NAV3: variants seen among roughly 807,000 people sequenced by gnomAD.
The protein encoded by NAV3 is neuron navigator 3, also known as pore membrane and/or filament interacting like protein 1.
Under a neutral mutation model 244.7 loss-of-function variants are expected in NAV3, and 87 were observed. That is an observed-to-expected ratio of 0.36 (90% CI 0.30 to 0.42). The LOEUF (loss-of-function observed/expected upper bound fraction) is 0.42. Among genes scored for constraint, NAV3 ranks in the 20% least tolerant of loss-of-function variants. The pLI is 1.00. For missense variants in NAV3, 2,663 were observed against 2,893.3 expected (o/e 0.92, Z 1.83); for synonymous variants, 1,126 against 1,042.2 (o/e 1.08, Z -1.55).
chr12:77,855,662 G>A (rs768689839), intron 1 of NAV3, among the ~76,000 whole-genome samples: 6 of 152,172 alleles, frequency 3.9e-5, no homozygotes, highest in Non-Finnish European at 8.8e-5. Flanking sequence ...GACTAAAGAG[G>A]CCCAGAGCTT....
intron 2 of NAV3, among the ~76,000 whole-genome samples, chr12:77,644,380 A>C (rs1244272548): frequency 1.3e-5 from 2 of 152,068 alleles, no homozygotes; most frequent in East Asian, 3.9e-4. Flanking sequence ...TTGTCTTCTG[A>C]AAAACCAATA....
chr12:77,880,549 G>A, intron 1 of NAV3, among the ~76,000 whole-genome samples: 1 of 152,098 alleles, frequency 6.6e-6, no homozygotes, highest in East Asian at 1.9e-4. Context: ...CATTGATGCT[G>A]TTTCCACCTA....
rs141989610 is a variant in NAV3, at chr12:77,858,935, T to A, written c.243+27231T>A. Among the ~76,000 whole-genome samples the A allele has an allele frequency of 2.8e-3, 424 of 152,176 alleles. 1 individual carries two copies. The highest frequency in any genetic ancestry group is 9.9e-3 in the African/African-American group (410 of 41,556). Reference sequence around the variant, plus strand: ...TGCTATGATTTCCTACTGAGGGAGATGCAAAGTTCTTTACCCTGACCTAAG... The same window carrying A: ...TGCTATGATTTCCTACTGAGGGAGAAGCAAAGTTCTTTACCCTGACCTAAG... On this transcript the variant is annotated intron_variant, in intron 1 of 39. Transcript: ENST00000397909.
At chr12:78,151,068 AAAAAT>A (rs1957065583) in intron 22 of NAV3, among the ~76,000 whole-genome samples, 1 of 151,880 alleles carries the variant, frequency 6.6e-6, no homozygotes, top group Non-Finnish European at 1.5e-5. Context: ...TCATTTAAAA[AAAAAT>A]AAAAATAAGG....
chr12:78,119,163 T>C, intron 14 of NAV3, 74 bp from the exon 15 acceptor site: 1 of 1,309,628 alleles, frequency 7.6e-7, no homozygotes, highest in East Asian at 2.3e-5. Flanking sequence ...ATTCACATTT[T>C]ACACATTGTT....
At chr12:77,876,044 A>C (rs553369974) in intron 1 of NAV3, among the ~76,000 whole-genome samples, 2 of 152,206 alleles carry the variant, frequency 1.3e-5, no homozygotes, top group Admixed American at 1.3e-4. Flanking sequence ...CAAAATAATT[A>C]ATGTAAATAT....
At chr12:77,737,661 TAAAAC>T (rs776030012) in intron 2 of NAV3, among the ~76,000 whole-genome samples, 5 of 152,130 alleles carry the variant, frequency 3.3e-5, no homozygotes, top group Non-Finnish European at 5.9e-5. Flanking sequence ...ACTATTTAAA[TAAAAC>T]AAAACAAAAA....
intron 2 of NAV3, among the ~76,000 whole-genome samples, chr12:77,690,477 T>A (rs1874954020): frequency 6.6e-6 from 1 of 151,840 alleles, no homozygotes. Flanking sequence ...GTAAGCATCA[T>A]TAAAATATGT....
intron 17 of NAV3, among the ~76,000 whole-genome samples, chr12:78,128,119 C>A (rs1000833191): frequency 5.3e-5 from 8 of 151,964 alleles, no homozygotes; most frequent in Admixed American, 5.2e-4. Flanking sequence ...TCCAATTTTT[C>A]AGCAATAGCA....
At chr12:78,140,652 A>G (rs550937961) in intron 20 of NAV3, among the ~76,000 whole-genome samples, 4 of 152,246 alleles carry the variant, frequency 2.6e-5, no homozygotes, top group East Asian at 3.9e-4. Flanking sequence ...AGTCTGCTAT[A>G]CTATCATTTT....
At chr12:77,934,607 T>C (rs907726993) in intron 1 of NAV3, among the ~76,000 whole-genome samples, 1 of 152,186 alleles carries the variant, frequency 6.6e-6, no homozygotes, top group African/African-American at 2.4e-5. Flanking sequence ...TGATCACCTT[T>C]CCCTAAGGTA....
At chr12:77,622,196 G>C (rs1871401541) in intron 2 of NAV3, among the ~76,000 whole-genome samples, 2 of 152,062 alleles carry the variant, frequency 1.3e-5, no homozygotes, top group South Asian at 2.1e-4. Context: ...GTCTCACCCT[G>C]TCTCCCAGGC....
intron 3 of NAV3, among the ~76,000 whole-genome samples, chr12:77,946,179 G>T (rs1890329646): frequency 6.7e-6 from 1 of 148,530 alleles, no homozygotes; most frequent in Admixed American, 6.8e-5. Context: ...ATAGCACTAT[G>T]ACTCAAAGGA....
At chr12:78,038,848 T>C (rs568937397) in intron 9 of NAV3, among the ~76,000 whole-genome samples, 8 of 152,290 alleles carry the variant, frequency 5.3e-5, no homozygotes, top group African/African-American at 1.7e-4. Flanking sequence ...TACAAAGATA[T>C]GAACAGAGTG....
chr12:77,953,733 C>G (rs1013489781), intron 3 of NAV3, among the ~76,000 whole-genome samples: 2 of 152,226 alleles, frequency 1.3e-5, no homozygotes, highest in South Asian at 2.1e-4. Context: ...CTCTCTGCCC[C>G]CAGCACTAAG....
At chr12:77,882,096 C>G (rs1041526354) in intron 1 of NAV3, among the ~76,000 whole-genome samples, 10 of 152,060 alleles carry the variant, frequency 6.6e-5, no homozygotes, top group African/African-American at 2.4e-4. Context: ...TCACATGGAA[C>G]AAAAAAGTGT....
chr12:77,916,852 C>T (rs1183057838), intron 1 of NAV3, among the ~76,000 whole-genome samples: 2 of 151,810 alleles, frequency 1.3e-5, no homozygotes, highest in Admixed American at 1.3e-4. Flanking sequence ...TCTTTTCAGA[C>T]TGATGAAGTT....
At chr12:77,605,452 T>C (rs1333623952) in intron 2 of NAV3, among the ~76,000 whole-genome samples, 1 of 152,144 alleles carries the variant, frequency 6.6e-6, no homozygotes, top group Non-Finnish European at 1.5e-5. Flanking sequence ...CTCCAGGCCA[T>C]TTAGTTGTAT....
intron 3 of NAV3, among the ~76,000 whole-genome samples, chr12:77,946,115 T>C (rs1387206733): frequency 2.7e-5 from 4 of 147,676 alleles, no homozygotes; most frequent in African/African-American, 9.9e-5. Flanking sequence ...TATATATATA[T>C]ATATATTGTG....
Sources: allele counts gnomAD v4.1 joint callset (sites outside exome capture counted in the v4.1 genomes callset), GRCh38; gene constraint gnomAD v4.1.1; transcripts MANE v1.5; gene names NCBI Gene and HGNC (gene_info 2026-07-23, HGNC 2026-07-21).